The following CDK15 variants were observed in gnomAD, a reference collection of about 807,000 sequenced individuals.
CDK15 encodes cyclin-dependent kinase 15.
A neutral mutation model predicts 60.3 loss-of-function variants in CDK15; 62 were observed. The observed-to-expected ratio is 1.03, with a 90% CI of 0.84 to 1.27. CDK15 has a LOEUF of 1.27. Among genes scored for constraint, CDK15 ranks in the 50% most tolerant of loss-of-function variants. The probability of loss-of-function intolerance (pLI) is 0.00; values close to 1 mark genes in which losing one functional copy is unlikely to be tolerated. For missense variants in CDK15, 541 were observed against 527.8 expected, an observed-to-expected ratio of 1.03 and a Z score of -0.25; for synonymous variants, 194 against 195.7, an observed-to-expected ratio of 0.99 and a Z score of 0.07.
chr2:201,861,243 G>A (rs1698379544), intron 10 of CDK15: 2 of 1,015,660 alleles, frequency 2.0e-6, no homozygotes, highest in Non-Finnish European at 2.4e-6. Flanking sequence ...CTATGTGCCA[G>A]ACACAGAACA....
chr2:201,812,157 G>A (rs1463302598), intron 3 of CDK15, among the ~76,000 whole-genome samples: 3 of 132,154 alleles, frequency 2.3e-5, no homozygotes, highest in Non-Finnish European at 3.1e-5. Context: ...CTGGGCAACA[G>A]AGCGAGATTC....
chr2:201,873,537 C>A (rs942345739), intron 11 of CDK15, among the ~76,000 whole-genome samples: 1 of 152,200 alleles, frequency 6.6e-6, no homozygotes, highest in Non-Finnish European at 1.5e-5. Context: ...GCTGCTGCTG[C>A]AGCTGCCCCT....
intron 10 of CDK15, among the ~76,000 whole-genome samples, chr2:201,867,698 T>A (rs1300265802): frequency 6.6e-6 from 1 of 151,720 alleles, no homozygotes; most frequent in African/African-American, 2.4e-5. Flanking sequence ...CCCAGGCTAG[T>A]TGAATCAAAC....
chr2:201,827,441 T>C (rs2105724189), intron 6 of CDK15, among the ~76,000 whole-genome samples: 1 of 152,182 alleles, frequency 6.6e-6, no homozygotes, highest in African/African-American at 2.4e-5. Flanking sequence ...GAAGACCCTG[T>C]CCCTAAAAAA....
chr2:201,822,954 G>A (rs1330501138), intron 5 of CDK15, 51 bp downstream of exon 5: 1 of 1,005,236 alleles, frequency 9.9e-7, no homozygotes, highest in African/African-American at 1.6e-5. Flanking sequence ...CCTGGTACTT[G>A]TATAATGAAT....
intron 12 of CDK15, among the ~76,000 whole-genome samples, chr2:201,889,944 G>A (rs764299463): frequency 6.6e-6 from 1 of 151,498 alleles, no homozygotes; most frequent in Non-Finnish European, 1.5e-5. Context: ...CAGCTACTGC[G>A]AGGCTGAGGC....
chr2:201,820,460 G>T (rs956954849), intron 4 of CDK15, among the ~76,000 whole-genome samples: 1 of 152,134 alleles, frequency 6.6e-6, no homozygotes, highest in Non-Finnish European at 1.5e-5. Context: ...TCCACAAATG[G>T]TATCTGATTC....
rs1020879424 is a variant in CDK15, at chr2:201,895,502, C to A, written c.*2235C>A. Reference sequence around the variant, plus strand: ...TTATAAGACTCTAAAACATTTAAATCTTTCATTTCTCAATTTTATCAAATA... The same window carrying A: ...TTATAAGACTCTAAAACATTTAAATATTTCATTTCTCAATTTTATCAAATA... On this transcript the variant is annotated 3_prime_UTR_variant, in exon 14 of 14. Transcript: ENST00000652192. The A allele has an allele frequency of 5.3e-5, 8 of 152,130 alleles. No homozygotes were observed. Among genetic ancestry groups the A allele is most frequent in the African/African-American group, 1.9e-4 (8 of 41,426 alleles). The allele number at this position is 152,130 out of a possible 1,614,324, so 9.4% of individuals were successfully genotyped here.
intron 4 of CDK15, 41 bp from the exon 5 acceptor site, chr2:201,822,768 A>C (rs757267344): frequency 2.5e-6 from 3 of 1,186,710 alleles, no homozygotes; most frequent in Non-Finnish European, 1.3e-6. Context: ...CAGCACTTTC[A>C]TTATCAATGA....
intron 8 of CDK15, among the ~76,000 whole-genome samples, chr2:201,836,052 TATATA>T (rs1211425010): frequency 4.6e-4 from 30 of 65,124 alleles, no homozygotes; most frequent in African/African-American, 1.4e-3. Context: ...TATATTTATA[TATATA>T]TTATATATAT....
chr2:201,868,579 T>C (rs565122814), intron 10 of CDK15, among the ~76,000 whole-genome samples: 5 of 152,294 alleles, frequency 3.3e-5, no homozygotes, highest in African/African-American at 7.2e-5. Context: ...TCAATTTGCA[T>C]TGAGAAAACT....
At chr2:201,833,369 G>T (rs1696843309) in intron 6 of CDK15, among the ~76,000 whole-genome samples, 2 of 151,852 alleles carry the variant, frequency 1.3e-5, no homozygotes, top group Non-Finnish European at 2.9e-5. Flanking sequence ...TTTTTAGTGT[G>T]GTCTCCTTGT....
In CDK15 at chr2:201,894,113, A is replaced by ACACACACACACC. The variant is rs1491380631; in HGVS notation, c.*847_*848insACACACACACCC. The ACACACACACACC allele has an allele frequency of 9.3e-5, 12 of 128,738 alleles. No homozygotes were observed. The highest frequency in any genetic ancestry group is 7.3e-4 in the East Asian group (3 of 4,096). 8.0% of individuals were successfully genotyped at this position (128,738 alleles called of 1,614,324 possible). A position where few individuals can be genotyped will look rare whatever the true frequency, so the allele number is the denominator to read the frequency against. ...CACACACACACACACACACACACACACCCCTCAAGTAAAATGAGAGATCTG... is the reference window on the plus strand; with the variant it reads ...CACACACACACACACACACACACACACACACACACACCCCCCTCAAGTAAAATGAGAGATCTG... On this transcript the variant is annotated 3_prime_UTR_variant, in exon 14 of 14. Transcript: ENST00000652192.
intron 11 of CDK15, among the ~76,000 whole-genome samples, chr2:201,873,018 G>A (rs901100460): frequency 1.1e-4 from 17 of 152,190 alleles, no homozygotes; most frequent in African/African-American, 3.1e-4. Flanking sequence ...TCAAATGTCA[G>A]AGAAAAACAC....
intron 13 of CDK15, among the ~76,000 whole-genome samples, chr2:201,891,158 C>T (rs1699627998): frequency 6.6e-6 from 1 of 152,220 alleles, no homozygotes; most frequent in South Asian, 2.1e-4. Context: ...AGGGATAAAG[C>T]TCCTAAGACA....
intron 12 of CDK15, among the ~76,000 whole-genome samples, chr2:201,883,386 T>A (rs1007383841): frequency 6.6e-6 from 1 of 152,132 alleles, no homozygotes; most frequent in Non-Finnish European, 1.5e-5. Flanking sequence ...CCACACAAAA[T>A]GAAAGAATTG....
chr2:201,844,576 T>G (rs1217333777), intron 8 of CDK15, among the ~76,000 whole-genome samples: 1 of 152,250 alleles, frequency 6.6e-6, no homozygotes. Flanking sequence ...CAAGATACTT[T>G]ACCAAATTCA....
chr2:201,829,442 A>AT (rs1300639679), intron 6 of CDK15, among the ~76,000 whole-genome samples: 4 of 152,116 alleles, frequency 2.6e-5, no homozygotes, highest in Admixed American at 2.0e-4. Flanking sequence ...AGTCAGCGAT[A>AT]TTTTTTTCTG....
Position 201,880,151 on chromosome 2 carries a change from G to A in CDK15, c.1182G>A (p.Leu394=). 1 of 1,614,024 alleles carries A rather than the reference G, an allele frequency of 6.2e-7. No homozygotes were observed. Residue 394 remains leucine (L), a synonymous_variant, in exon 12 of 14, where the codon CTG becomes CTA. Coordinates refer to ENST00000652192, the MANE Select transcript of CDK15 (RefSeq NM_001366386.2). ...ATTTCAGCGCCCTGCCATCTCAGCT[G>A]TACCAGCTTCCTGATGGTGAGCGAG... The part of the protein sequence containing the change: ...HDYFSALPSQ[L]YQLPDEESLF...
Sources: allele counts gnomAD v4.1 joint callset (sites outside exome capture counted in the v4.1 genomes callset), GRCh38; gene constraint gnomAD v4.1.1; transcripts MANE v1.5; gene names NCBI Gene and HGNC (gene_info 2026-07-23, HGNC 2026-07-21).